The following XYLB variants were observed in gnomAD, a reference collection of about 807,000 sequenced individuals.
The protein encoded by XYLB is xylulose kinase.
Under a neutral mutation model 78.7 loss-of-function variants are expected in XYLB, and 62 were observed. The ratio of observed to expected loss-of-function variants is 0.79; its 90% CI spans 0.64 to 0.97. XYLB has a LOEUF of 0.97. Ranked by LOEUF, XYLB falls within the 50% of genes least tolerant of loss-of-function variation. The pLI is 0.00. For synonymous variants in XYLB, 245 were observed against 247.4 expected (o/e 0.99, Z 0.09); for missense variants, 687 against 676.8 (o/e 1.02, Z -0.17).
the XYLB span, among the ~76,000 whole-genome samples, chr3:38,439,404 A>G: frequency 6.6e-6 from 1 of 152,386 alleles, no homozygotes; most frequent in South Asian, 2.1e-4. Context: ...AGTAATAGCA[A>G]GATGGCTGCA....
In XYLB at chr3:38,370,115, G is replaced by A. The variant is rs137869174; in HGVS notation, c.706G>A (p.Ala236Thr). ...AGTCTGGTCCCAGGCTTGCCTTGGT[G>A]CCTGTGCACCTCATTTAGAGGAGAA... ...DKVWSQACLG[A>T]CAPHLEEKLS... The change falls in exon 9 of 19, where the codon GCC becomes ACC. Residue 236 changes from alanine (A) to threonine (T), a missense_variant. Ala to Thr is a moderately conservative substitution (Grantham distance 58, BLOSUM62 0). Transcript: ENST00000207870. 1 of 1,614,204 alleles carries A rather than the reference G, an allele frequency of 6.2e-7. No individual in the cohort carries two copies. Among genetic ancestry groups the A allele is most frequent in the South Asian group, 1.1e-5 (1 of 91,090 alleles).
intron 18 of XYLB, among the ~76,000 whole-genome samples, chr3:38,403,254 A>T (rs1708186327): frequency 6.6e-6 from 1 of 151,358 alleles, no homozygotes; most frequent in African/African-American, 2.4e-5. Flanking sequence ...AGATCACACC[A>T]CTGCACTCCA....
rs1575474528 is a variant in XYLB at position 38,366,795 on chromosome 3, A to G, written c.508-13A>G. The G allele has an allele frequency of 1.9e-6, 3 of 1,601,296 alleles. No homozygotes were observed. The Middle Eastern group carries it at 5.0e-4, about 265-fold the overall frequency. Reference sequence around the variant, plus strand: ...AGGATTTGGGTTCCTAAGAATTTATATTCCTTTTCCAGCGTTTTACAGGGA... The same window carrying G: ...AGGATTTGGGTTCCTAAGAATTTATGTTCCTTTTCCAGCGTTTTACAGGGA... On this transcript the variant is annotated splice_polypyrimidine_tract_variant and intron_variant, in intron 6 of 18. Transcript: ENST00000207870.
the XYLB span, among the ~76,000 whole-genome samples, chr3:38,431,183 C>T: frequency 0.52 from 78,568 of 151,952 alleles, 21,451 homozygotes; most frequent in Non-Finnish European, 0.61. Context: ...TTCCTATCCA[C>T]GAGCATGGAA....
At chr3:38,412,076 C>T (rs745819654) in intron 18 of XYLB, among the ~76,000 whole-genome samples, 22 of 151,718 alleles carry the variant, frequency 1.5e-4, no homozygotes, top group Admixed American at 1.4e-3. Context: ...CTGCAACCCC[C>T]GGCTCCCAGG....
chr3:38,357,974 C>T (rs1323061583), intron 2 of XYLB, among the ~76,000 whole-genome samples: 1 of 151,056 alleles, frequency 6.6e-6, no homozygotes, highest in Non-Finnish European at 1.5e-5. Context: ...AAATTTTTGT[C>T]CCATTCTGTG....
chr3:38,372,749 G>T lies in XYLB; in HGVS notation c.847+13G>T. The T allele has an allele frequency of 6.2e-7, 1 of 1,613,992 alleles. No individual in the cohort carries two copies. The highest frequency in any genetic ancestry group is 8.5e-7 in the Non-Finnish European group (1 of 1,179,904). On this transcript the variant is annotated intron_variant, in intron 10 of 18. Coordinates refer to ENST00000207870, the MANE Select transcript of XYLB (RefSeq NM_005108.4). ...GGGGACAACCCAGGTGAGTATCTCG[G>T]GGAGTTTCACTCTCCAGTGAGCCTG...
chr3:38,423,726 G>A (rs988868235), downstream of XYLB, among the ~76,000 whole-genome samples: 1 of 152,154 alleles, frequency 6.6e-6, no homozygotes, highest in Non-Finnish European at 1.5e-5. Context: ...TTTTCACAGT[G>A]TTACATTATT....
At chr3:38,407,187 G>A (rs1226345907) in intron 18 of XYLB, among the ~76,000 whole-genome samples, 6 of 149,084 alleles carry the variant, frequency 4.0e-5, no homozygotes, top group African/African-American at 9.9e-5. Flanking sequence ...CGGATCTCTC[G>A]GCAGAAACTC....
the XYLB span, among the ~76,000 whole-genome samples, chr3:38,428,527 G>A: frequency 6.6e-6 from 1 of 152,094 alleles, no homozygotes; most frequent in African/African-American, 2.4e-5. Flanking sequence ...ATTTGGGACT[G>A]TTATATCTTC....
At chr3:38,453,033 G>C in the XYLB span, 1 of 152,180 alleles carries the variant, frequency 6.6e-6, no homozygotes, top group African/African-American at 2.4e-5. Context: ...ACGTTCCTCC[G>C]AAGCTCTAGT....
chr3:38,351,345 C>G lies in XYLB; in HGVS notation c.140+2713C>G, dbSNP rs80295410. Among the ~76,000 whole-genome samples, 1,458 of 151,996 alleles carry G rather than the reference C, an allele frequency of 9.6e-3. 30 individuals are homozygous for G. Among genetic ancestry groups the G allele is most frequent in the African/African-American group, 0.033 (1,352 of 41,458 alleles). On this transcript the variant is annotated intron_variant, in intron 2 of 18. Transcript: ENST00000207870. Reference sequence around the variant, plus strand: ...TAAAATTTCCTCTCCCTCACTCTCTCTTCCACTTAATAAGTCAGTCCTCTC... The same window carrying G: ...TAAAATTTCCTCTCCCTCACTCTCTGTTCCACTTAATAAGTCAGTCCTCTC...
chr3:38,372,543 G>A (rs1380657713), intron 9 of XYLB, 112 bp from the exon 10 acceptor site: 45 of 1,569,182 alleles, frequency 2.9e-5, no homozygotes, highest in East Asian at 4.6e-5. Context: ...GATTCCTTCA[G>A]GTCTGGTGAC....
intron 17 of XYLB, among the ~76,000 whole-genome samples, chr3:38,397,561 A>T (rs1312294130): frequency 1.3e-5 from 2 of 152,118 alleles, no homozygotes; most frequent in Non-Finnish European, 1.5e-5. Context: ...TTCAGGCCCA[A>T]GCAGTCCAGG....
chr3:38,358,852 G>A (rs1005054175), intron 2 of XYLB, among the ~76,000 whole-genome samples: 1 of 152,174 alleles, frequency 6.6e-6, no homozygotes, highest in Non-Finnish European at 1.5e-5. Context: ...CATTAAAAAT[G>A]TATAATTAAA....
Position 38,412,938 on chromosome 3 carries a change from C to G in XYLB, c.1536C>G (p.Val512=). The change falls in exon 19 of 19, where the codon GTC becomes GTG. Residue 512 remains valine (V), a splice_region_variant and synonymous_variant. Coordinates refer to ENST00000207870, the MANE Select transcript of XYLB (RefSeq NM_005108.4). ...AACTGCTTTTTCTGCCCTTCTAGGT[C>G]TACGAGGCCCTTCTCCCCCAGTATG... The part of the protein sequence containing the change: ...AATPSPGASQ[V]YEALLPQYAK... 1 of 1,602,730 alleles carries G rather than the reference C, an allele frequency of 6.2e-7. No homozygotes were observed. Among genetic ancestry groups the G allele is most frequent in the Non-Finnish European group, 8.5e-7 (1 of 1,175,196 alleles).
At position 38,351,171 on chromosome 3, in the gene XYLB, C is replaced by CAAAAAAAAA. The variant is rs58457623; in HGVS notation, c.140+2559_140+2567dup. Among the ~76,000 whole-genome samples the CAAAAAAAAA allele has an allele frequency of 2.8e-3, 64 of 23,088 alleles. 9 individuals carry two copies. Among genetic ancestry groups the CAAAAAAAAA allele is most frequent in the Admixed American group, 9.1e-3 (14 of 1,544 alleles). The allele number at this position is 23,088 out of a possible 152,430, so 15.1% of individuals were successfully genotyped here. A position where few individuals can be genotyped will look rare whatever the true frequency, so the allele number is the denominator to read the frequency against. On this transcript the variant is annotated intron_variant, in intron 2 of 18. Transcript: ENST00000207870. ...TGGACAACAGAGGGAGAGCCTGTCT[C>CAAAAAAAAA]AAAAAAAAAAAAAAAAAAAAAAAAA... is the stretch of plus-strand genomic sequence containing the variant.
chr3:38,371,982 T>G (rs1202467204), intron 9 of XYLB, among the ~76,000 whole-genome samples: 1 of 152,198 alleles, frequency 6.6e-6, no homozygotes, highest in Non-Finnish European at 1.5e-5. Context: ...GTTTGCCTTG[T>G]GCGAGAACAC....
chr3:38,428,680 T>C, the XYLB span, among the ~76,000 whole-genome samples: 1 of 152,232 alleles, frequency 6.6e-6, no homozygotes, highest in Non-Finnish European at 1.5e-5. Context: ...CTTTAAATCA[T>C]TTAAATTTTA....
Sources: gnomAD v4.1 joint callset for allele counts (sites outside exome capture counted in the v4.1 genomes callset) on GRCh38, gnomAD v4.1.1 for gene constraint, MANE v1.5 for transcripts, NCBI Gene and HGNC (gene_info 2026-07-23, HGNC 2026-07-21) for gene names.